The following CTNNA2 variants were observed in gnomAD, a reference collection of about 807,000 sequenced individuals.
The protein encoded by CTNNA2 is catenin alpha 2.
A neutral mutation model predicts 101.0 loss-of-function variants in CTNNA2; 42 were observed. The observed-to-expected ratio is 0.42, with a 90% CI of 0.32 to 0.54. The LOEUF (loss-of-function observed/expected upper bound fraction) is 0.54. Among genes scored for constraint, CTNNA2 ranks in the 20% least tolerant of loss-of-function variants. CTNNA2 has a pLI of 0.14. For synonymous variants in CTNNA2, 450 were observed against 456.4 expected (o/e 0.99, Z 0.18); for missense variants, 871 against 1,223.1 (o/e 0.71, Z 4.29).
chr2:79,781,919 T>A (rs1482527505), intron 3 of CTNNA2, among the ~76,000 whole-genome samples: 1 of 152,178 alleles, frequency 6.6e-6, no homozygotes, highest in African/African-American at 2.4e-5. Flanking sequence ...AACTGTGAAA[T>A]ACTTTCTCTT....
chr2:80,152,538 CA>C (rs971978949), intron 7 of CTNNA2, among the ~76,000 whole-genome samples: 12 of 152,160 alleles, frequency 7.9e-5, no homozygotes, highest in Non-Finnish European at 1.6e-4. Context: ...TCATTCAGAA[CA>C]TTTTTTTTAT....
intron 1 of CTNNA2, among the ~76,000 whole-genome samples, chr2:79,560,963 T>C (rs1026811874): frequency 5.3e-5 from 8 of 151,920 alleles, no homozygotes; most frequent in African/African-American, 1.9e-4. Flanking sequence ...AAATTCACCC[T>C]TTTAAAGTGT....
intron 3 of CTNNA2, among the ~76,000 whole-genome samples, chr2:79,852,924 T>C (rs1366123264): frequency 1.3e-5 from 2 of 151,380 alleles, no homozygotes; most frequent in Non-Finnish European, 2.9e-5. Context: ...CTGGATGCAA[T>C]GGTGAAATCT....
rs753733340 is a variant in CTNNA2, at chr2:79,462,927, T to C, written c.-134-42127T>C. ...TGGAAGCTGGGATGTGTCCTTTTAA[T>C]GCCAGTCTCCCCAGTTAGGAAGAGT... On this transcript the variant is annotated intron_variant, in intron 4 of 21. Coordinates refer to the CTNNA2 transcript ENST00000466387. Among the ~76,000 whole-genome samples, 65 of 152,338 alleles carry C rather than the reference T, an allele frequency of 4.3e-4. 2 individuals are homozygous for C. Among genetic ancestry groups the C allele is most frequent in the South Asian group, 1.4e-3 (7 of 4,828 alleles).
chr2:79,722,652 C>T (rs1176461232), intron 2 of CTNNA2, among the ~76,000 whole-genome samples: 1 of 152,074 alleles, frequency 6.6e-6, no homozygotes, highest in Non-Finnish European at 1.5e-5. Flanking sequence ...ATTTGTGTAA[C>T]TTATTTATTA....
chr2:80,093,744 C>T (rs1573052726), intron 7 of CTNNA2, among the ~76,000 whole-genome samples: 1 of 152,188 alleles, frequency 6.6e-6, no homozygotes, highest in South Asian at 2.1e-4. Context: ...TTTGTATTTC[C>T]CTGATGGCCA....
intron 9 of CTNNA2, among the ~76,000 whole-genome samples, chr2:80,537,596 CT>C (rs34006040): frequency 1.9e-3 from 277 of 142,930 alleles, no homozygotes; most frequent in Middle Eastern, 3.6e-3. Flanking sequence ...TGTTTCCTGA[CT>C]TTTTTTTTTT....
intron 12 of CTNNA2, among the ~76,000 whole-genome samples, chr2:80,568,386 T>C (rs1028329846): frequency 6.6e-6 from 1 of 152,230 alleles, no homozygotes; most frequent in Non-Finnish European, 1.5e-5. Context: ...TTCTTTTACT[T>C]CTTATCCTTC....
chr2:80,055,534 T>C (rs1370086670), intron 7 of CTNNA2, among the ~76,000 whole-genome samples: 2 of 152,182 alleles, frequency 1.3e-5, no homozygotes, highest in African/African-American at 4.8e-5. Flanking sequence ...TTTTAGTTGC[T>C]AAAATTTAAA....
chr2:80,528,206 T>C (rs898383913), intron 9 of CTNNA2, among the ~76,000 whole-genome samples: 4 of 152,142 alleles, frequency 2.6e-5, no homozygotes, highest in African/African-American at 9.7e-5. Flanking sequence ...TGTTTGTTCG[T>C]TTGTTTTGAG....
At chr2:79,586,356 G>C (rs1242132616) in intron 1 of CTNNA2, among the ~76,000 whole-genome samples, 1 of 59,686 alleles carries the variant, frequency 1.7e-5, no homozygotes, top group African/African-American at 6.8e-5. Flanking sequence ...TCAGATGTGT[G>C]ATAATCTGGC....
intron 1 of CTNNA2, among the ~76,000 whole-genome samples, chr2:79,562,436 G>A (rs1302243368): frequency 1.3e-5 from 2 of 151,952 alleles, no homozygotes; most frequent in Non-Finnish European, 2.9e-5. Flanking sequence ...GTTCATTTAT[G>A]TTCTTAGTTA....
chr2:80,584,952 A>G (rs11892338), intron 14 of CTNNA2, among the ~76,000 whole-genome samples: 10,427 of 152,162 alleles, frequency 0.069, 611 homozygotes, highest in African/African-American at 0.16. Flanking sequence ...TTTCCAATTC[A>G]CTTCACAGCT....
chr2:79,931,048 A>G lies in CTNNA2; in HGVS notation c.1056+21251A>G, dbSNP rs551562674. The stretch of plus-strand genomic sequence containing the variant: ...TTTTATATCTGGTGATTTTGATTAG[A>G]CAATTTTTAAATTATGAAATTTCAT... On this transcript the variant is annotated intron_variant, in intron 7 of 18. Transcript: ENST00000402739. Among the ~76,000 whole-genome samples the G allele has an allele frequency of 2.0e-5, 3 of 152,292 alleles. No homozygotes were observed. The East Asian group carries it at 5.8e-4, about 29-fold the overall frequency.
At chr2:80,170,209 A>ATC (rs1157144222) in intron 7 of CTNNA2, among the ~76,000 whole-genome samples, 79 of 144,406 alleles carry the variant, frequency 5.5e-4, no homozygotes, top group South Asian at 1.1e-3. Context: ...CTCTCTCTCT[A>ATC]TCTCTCTCTC....
At chr2:80,312,619 G>T (rs781309228) in intron 7 of CTNNA2, among the ~76,000 whole-genome samples, 1 of 152,192 alleles carries the variant, frequency 6.6e-6, no homozygotes, top group Non-Finnish European at 1.5e-5. Context: ...ACCTACTGAC[G>T]TACTGATTTT....
intron 7 of CTNNA2, among the ~76,000 whole-genome samples, chr2:80,197,662 G>A (rs1007868386): frequency 6.6e-6 from 1 of 151,986 alleles, no homozygotes. Context: ...GATAACTACT[G>A]TAGAGCCATC....
At chr2:79,333,617 A>G (rs1676926928) in intron 3 of CTNNA2, among the ~76,000 whole-genome samples, 1 of 152,160 alleles carries the variant, frequency 6.6e-6, no homozygotes, top group Non-Finnish European at 1.5e-5. Context: ...TCAAAGACCC[A>G]TAATATTTTT....
chr2:80,371,315 T>C (rs1487613933), intron 7 of CTNNA2, among the ~76,000 whole-genome samples: 1 of 152,190 alleles, frequency 6.6e-6, no homozygotes, highest in Non-Finnish European at 1.5e-5. Context: ...CAATTCTGAT[T>C]TTAACATTTA....
Sources: allele counts gnomAD v4.1 joint callset (sites outside exome capture counted in the v4.1 genomes callset), GRCh38; gene constraint gnomAD v4.1.1; transcripts MANE v1.5; gene names NCBI Gene and HGNC (gene_info 2026-07-23, HGNC 2026-07-21).